Variants in ASTN2 observed in about 807,000 individuals in gnomAD.
ASTN2 encodes astrotactin 2.
Under a neutral mutation model 139.8 loss-of-function variants are expected in ASTN2, and 54 were observed. That is an observed-to-expected ratio of 0.39 (90% CI 0.31 to 0.48). The LOEUF (loss-of-function observed/expected upper bound fraction) is 0.48, where lower values mean the gene tolerates loss of function less well. ASTN2 is among the 20% of genes least tolerant of loss of function. ASTN2 has a pLI of 0.95. For synonymous variants in ASTN2, 756 were observed against 719.5 expected, an observed-to-expected ratio of 1.05 and a Z score of -0.81; for missense variants, 1,565 against 1,725.1, an observed-to-expected ratio of 0.91 and a Z score of 1.64.
chr9:117,400,207 T>C (rs937391665), intron 1 of ASTN2, among the ~76,000 whole-genome samples: 2 of 152,212 alleles, frequency 1.3e-5, no homozygotes, highest in Non-Finnish European at 2.9e-5. Context: ...AACAAATCAA[T>C]GGCAGAAACA....
At chr9:116,808,211 C>A (rs1039342830) in intron 12 of ASTN2, among the ~76,000 whole-genome samples, 2 of 151,980 alleles carry the variant, frequency 1.3e-5, no homozygotes, top group African/African-American at 4.8e-5. Context: ...ACTTTCTGTC[C>A]CAGAGGTCAC....
intron 5 of ASTN2, among the ~76,000 whole-genome samples, chr9:117,052,141 T>C (rs1838928605): frequency 6.6e-6 from 1 of 152,086 alleles, no homozygotes; most frequent in South Asian, 2.1e-4. Context: ...CACAGCATCA[T>C]TAGAAAGATT....
intron 10 of ASTN2, among the ~76,000 whole-genome samples, chr9:116,913,050 T>C (rs1834358636): frequency 6.6e-6 from 1 of 152,072 alleles, no homozygotes; most frequent in Admixed American, 6.5e-5. Context: ...ACTCCTGGCA[T>C]GTGCCACGAC....
chr9:116,824,273 C>T, intron 11 of ASTN2, among the ~76,000 whole-genome samples: 1 of 152,212 alleles, frequency 6.6e-6, no homozygotes, highest in East Asian at 1.9e-4. Context: ...ATGTAGTCCC[C>T]TCCTACACTG....
intron 19 of ASTN2, among the ~76,000 whole-genome samples, chr9:116,514,400 A>C (rs1850545832): frequency 6.6e-6 from 1 of 151,892 alleles, no homozygotes; most frequent in Non-Finnish European, 1.5e-5. Context: ...GTGAGGTGTC[A>C]GTCTGCCCCT....
intron 3 of ASTN2, among the ~76,000 whole-genome samples, chr9:117,141,842 TTTGCAATAGAA>T (rs1830083119): frequency 6.6e-6 from 1 of 152,178 alleles, no homozygotes; most frequent in Non-Finnish European, 1.5e-5. Context: ...GTGCAATATT[TTTGCAATAGAA>T]GAGTACAAAA....
chr9:117,148,146 T>C (rs147280083), intron 3 of ASTN2, among the ~76,000 whole-genome samples: 2 of 152,274 alleles, frequency 1.3e-5, no homozygotes, highest in East Asian at 1.9e-4. Flanking sequence ...AAGAAGCAAA[T>C]GGACATTGAC....
intron 3 of ASTN2, among the ~76,000 whole-genome samples, chr9:117,213,095 T>A (rs1832193945): frequency 6.6e-6 from 1 of 152,182 alleles, no homozygotes; most frequent in Non-Finnish European, 1.5e-5. Flanking sequence ...TGGAATACAT[T>A]CAGCCATAAA....
At chr9:117,016,813 T>TATATATATA (rs1837726895) in intron 6 of ASTN2, among the ~76,000 whole-genome samples, 1 of 92,570 alleles carries the variant, frequency 1.1e-5, no homozygotes, top group African/African-American at 3.2e-5. Flanking sequence ...TATATATGTT[T>TATATATATA]TATATATATA....
intron 10 of ASTN2, among the ~76,000 whole-genome samples, chr9:116,890,966 T>C (rs1274091554): frequency 6.6e-6 from 1 of 152,048 alleles, no homozygotes. Context: ...AGAATTAAGC[T>C]CTCTGTTAGG....
At chr9:117,363,712 G>T (rs1185834425) in intron 1 of ASTN2, among the ~76,000 whole-genome samples, 1 of 152,170 alleles carries the variant, frequency 6.6e-6, no homozygotes, top group Non-Finnish European at 1.5e-5. Context: ...GTCAAAAGGG[G>T]ATAAGGCTAC....
At chr9:117,051,312 T>C (rs1424836014) in intron 5 of ASTN2, among the ~76,000 whole-genome samples, 1 of 152,262 alleles carries the variant, frequency 6.6e-6, no homozygotes, top group East Asian at 1.9e-4. Flanking sequence ...TTACAGATAT[T>C]ATTTTATTTG....
chr9:117,180,837 C>T, intron 3 of ASTN2: 2 of 1,554,612 alleles, frequency 1.3e-6, no homozygotes, highest in Non-Finnish European at 1.8e-6. Context: ...TGAAGCCCCA[C>T]TTCTTTGAGA....
At chr9:117,255,269 C>T (rs1312383930) in intron 2 of ASTN2, among the ~76,000 whole-genome samples, 1 of 152,202 alleles carries the variant, frequency 6.6e-6, no homozygotes, top group East Asian at 1.9e-4. Context: ...CGGATGCCTA[C>T]TGTATGTCAG....
rs552985486 is a variant in ASTN2 at position 117,287,170 on chromosome 9, T to C, written c.630+4156A>G. Among the ~76,000 whole-genome samples the C allele has an allele frequency of 5.3e-5, 8 of 152,244 alleles. No individual in the cohort carries two copies. In the East Asian group the frequency reaches 1.5e-3, roughly 29 times the overall value. Reference sequence around the variant, plus strand: ...GTCATTATTTTCATTGTGCAGGGCATTTGTGAGTGTGATCTCATTCCGTGC... The same window carrying C: ...GTCATTATTTTCATTGTGCAGGGCACTTGTGAGTGTGATCTCATTCCGTGC... On this transcript the variant is annotated intron_variant, in intron 2 of 22. Transcript: ENST00000313400.
Position 117,169,853 on chromosome 9 carries a change from A to G in ASTN2, c.1016-28375T>C, listed in dbSNP as rs1027144271. On this transcript the variant is annotated intron_variant, in intron 3 of 22. Coordinates refer to ENST00000313400, the MANE Select transcript of ASTN2 (RefSeq NM_001365068.1). ...CAACAAAAGCAAGGAGGAGATATGT[A>G]AACACCAAACTCTAAGAGAAAGTGC... Among the ~76,000 whole-genome samples the G allele has an allele frequency of 3.3e-5, 5 of 152,272 alleles. 1 individual carries two copies. The highest frequency in any genetic ancestry group is 1.2e-4 in the African/African-American group (5 of 41,568).
chr9:117,344,949 G>A (rs1829168255), intron 1 of ASTN2, among the ~76,000 whole-genome samples: 2 of 152,122 alleles, frequency 1.3e-5, no homozygotes, highest in South Asian at 2.1e-4. Context: ...TATCAACACT[G>A]ACACATGCCG....
intron 1 of ASTN2, among the ~76,000 whole-genome samples, chr9:117,335,036 C>A (rs1317727737): frequency 2.0e-5 from 3 of 152,286 alleles, no homozygotes; most frequent in South Asian, 4.1e-4. Context: ...GCCTGGGCAA[C>A]AGAGTGAGAC....
Position 116,975,261 on chromosome 9 carries a change from G to A in ASTN2, c.1836C>T (p.Pro612=). The A allele has an allele frequency of 6.2e-7, 1 of 1,613,434 alleles. No individual in the cohort carries two copies. Among genetic ancestry groups the A allele is most frequent in the Admixed American group, 1.7e-5 (1 of 59,948 alleles). ...GCACATCGGTCTTGCAGCTGGCCAGGGGGTTGATGGACAGCTCCACAGGCG... is the reference window on the plus strand; with the variant it reads ...GCACATCGGTCTTGCAGCTGGCCAGAGGGTTGATGGACAGCTCCACAGGCG... ...VVPPVELSIN[P]LASCKTDVLV... Residue 612 remains proline (P), a synonymous_variant, in exon 10 of 23, where the codon CCC becomes CCT. Transcript: ENST00000313400.
Sources: allele counts gnomAD v4.1 joint callset (sites outside exome capture counted in the v4.1 genomes callset), GRCh38; gene constraint gnomAD v4.1.1; transcripts MANE v1.5; gene names NCBI Gene and HGNC (gene_info 2026-07-23, HGNC 2026-07-21).